The following GAD2 variants were observed in gnomAD, a reference collection of about 807,000 sequenced individuals.
GAD2 encodes 65 kDa glutamic acid decarboxylase.
A neutral mutation model predicts 80.1 loss-of-function variants in GAD2; 22 were observed. The observed-to-expected ratio is 0.27, with a 90% CI of 0.20 to 0.39. GAD2 has a LOEUF of 0.39. GAD2 is among the 10% of genes least tolerant of loss of function. The pLI, the probability that GAD2 is intolerant of heterozygous loss-of-function variation, is 1.00. For missense variants in GAD2, 624 were observed against 738.4 expected (o/e 0.85, Z 1.80); for synonymous variants, 274 against 256.9 (o/e 1.07, Z -0.64).
At chr10:26,291,593 T>C (rs1298447325) in intron 13 of GAD2, among the ~76,000 whole-genome samples, 1 of 152,198 alleles carries the variant, frequency 6.6e-6, no homozygotes, top group Non-Finnish European at 1.5e-5. Flanking sequence ...TTACAATTGC[T>C]TTCTCTAGGT....
chr10:26,224,694 T>C (rs375276130), intron 6 of GAD2, 43 bp downstream of exon 6: 2 of 1,363,878 alleles, frequency 1.5e-6, no homozygotes, highest in Non-Finnish European at 1.0e-6. Flanking sequence ...TCTTCTAATA[T>C]GCAATGCCTT....
chr10:26,267,935 G>C (rs1429110567), intron 8 of GAD2, among the ~76,000 whole-genome samples: 2 of 152,206 alleles, frequency 1.3e-5, no homozygotes, highest in African/African-American at 2.4e-5. Flanking sequence ...ATGAAGTCCA[G>C]TGCTTGCTGT....
intron 8 of GAD2, among the ~76,000 whole-genome samples, chr10:26,260,606 T>C (rs759360060): frequency 1.3e-5 from 2 of 152,110 alleles, no homozygotes; most frequent in Admixed American, 6.6e-5. Flanking sequence ...CCAGCGTGGG[T>C]GCCAGAGCAA....
chr10:26,270,671 C>G lies in GAD2; in HGVS notation c.1007C>G (p.Ala336Gly). ...GTTCCTTTCCTCGTGAGTGCCACAGCTGGAACCACCGTGTACGGAGCATTT... is the reference window on the plus strand; with the variant it reads ...GTTCCTTTCCTCGTGAGTGCCACAGGTGGAACCACCGTGTACGGAGCATTT... ...GFVPFLVSAT[A>G]GTTVYGAFDP... Residue 336 changes from alanine to glycine, a missense_variant, in exon 10 of 16, where the codon GCT (alanine) becomes GGT (glycine). Ala to Gly is a moderately conservative substitution (Grantham distance 60). Transcript: ENST00000376261. The G allele has an allele frequency of 1.2e-6, 2 of 1,614,112 alleles. No individual in the cohort carries two copies. Among genetic ancestry groups the G allele is most frequent in the East Asian group, 2.2e-5 (1 of 44,882 alleles).
Position 26,216,972 on chromosome 10 carries a change from T to C in GAD2, c.76+87T>C. ...CTACGGAGAAGACGAAGGAGGTTTT[T>C]CCACCTGCAACAGGAAACTTCTTCG... On this transcript the variant is annotated intron_variant, in intron 1 of 15. Coordinates refer to ENST00000376261, the MANE Select transcript of GAD2 (RefSeq NM_001134366.2). This position sits in a 1 kb window ranked among gnomAD's most constrained non-coding sequence, Gnocchi z 4.7. 8.4e-7 allele frequency: 1 copy of C among 1,192,978 alleles called. No homozygotes were observed. The highest frequency in any genetic ancestry group is 1.2e-6 in the Non-Finnish European group (1 of 823,652). The allele number at this position is 1,192,978 out of a possible 1,614,324, so 73.9% of individuals were successfully genotyped here.
intron 14 of GAD2, 149 bp from the exon 15 acceptor site, chr10:26,292,752 GT>G: frequency 1.2e-6 from 1 of 856,820 alleles, no homozygotes; most frequent in South Asian, 1.5e-5. Context: ...TCCATATAAC[GT>G]TGTCAAAATC....
chr10:26,280,791 A>G lies in GAD2; in HGVS notation c.1158-218A>G, dbSNP rs984874552. ...TGGTCACTATTTGGGTGCTGGGTAC[A>G]CCAAAAGGCCAGACTTCACCACTAC... On this transcript the variant is annotated intron_variant, in intron 11 of 15. Coordinates refer to ENST00000376261, the MANE Select transcript of GAD2 (RefSeq NM_001134366.2). Among the ~76,000 whole-genome samples the G allele has an allele frequency of 3.9e-5, 6 of 152,296 alleles. No homozygotes were observed. In the East Asian group the frequency reaches 1.2e-3, roughly 29 times the overall value.
chr10:26,234,008 T>C (rs190704774), intron 7 of GAD2, among the ~76,000 whole-genome samples: 1 of 152,210 alleles, frequency 6.6e-6, no homozygotes, highest in Admixed American at 6.5e-5. Context: ...GAGCTCTGCA[T>C]AAATATCAAC....
intron 7 of GAD2, among the ~76,000 whole-genome samples, chr10:26,245,153 CAAAA>C (rs1229625147): frequency 3.8e-5 from 2 of 52,316 alleles, no homozygotes. Flanking sequence ...AACTCTGTCT[CAAAA>C]AAAAAAAAAA....
At chr10:26,274,864 A>G (rs1185660418) in intron 11 of GAD2, among the ~76,000 whole-genome samples, 1 of 152,230 alleles carries the variant, frequency 6.6e-6, no homozygotes, top group Non-Finnish European at 1.5e-5. Flanking sequence ...GGCCCATGTC[A>G]GAAGGGTCAC....
In GAD2 at chr10:26,217,277, G is replaced by A. The variant is rs917048465; in HGVS notation, c.77-333G>A. Among the ~76,000 whole-genome samples the A allele has an allele frequency of 2.6e-5, 4 of 152,154 alleles. No individual in the cohort carries two copies. The highest frequency in any genetic ancestry group is 5.9e-5 in the Non-Finnish European group (4 of 68,024). ...AGAGATTTCTTTATCTAGAAAGACAGTCTGCGAAAAAATGGATAGCTTCAG... is the reference window on the plus strand; with the variant it reads ...AGAGATTTCTTTATCTAGAAAGACAATCTGCGAAAAAATGGATAGCTTCAG... On this transcript the variant is annotated intron_variant, in intron 1 of 15. Transcript: ENST00000376261. This position sits in a 1 kb window ranked among gnomAD's most constrained non-coding sequence, Gnocchi z 4.9.
At chr10:26,292,374 CAG>C in intron 13 of GAD2, 89 bp from the exon 14 acceptor site, 1 of 931,960 alleles carries the variant, frequency 1.1e-6, no homozygotes, top group African/African-American at 1.6e-5. Context: ...GGGGCTAAGA[CAG>C]AGACGGCAGG....
intron 7 of GAD2, among the ~76,000 whole-genome samples, chr10:26,237,499 CTG>C (rs1844689159): frequency 6.6e-6 from 1 of 151,692 alleles, no homozygotes; most frequent in South Asian, 2.1e-4. Flanking sequence ...ACAGATGACA[CTG>C]TCGTTAGAAG....
At chr10:26,277,923 T>TA (rs1384418825) in intron 11 of GAD2, among the ~76,000 whole-genome samples, 10 of 151,818 alleles carry the variant, frequency 6.6e-5, no homozygotes, top group Non-Finnish European at 1.3e-4. Flanking sequence ...CTCTCCAACT[T>TA]ACACAAACTG....
At chr10:26,247,912 A>AAT (rs1260408336) in intron 8 of GAD2, among the ~76,000 whole-genome samples, 1 of 88,978 alleles carries the variant, frequency 1.1e-5, no homozygotes, top group Non-Finnish European at 3.0e-5. Flanking sequence ...AAAAAAAAAA[A>AAT]GGAAAAGAAA....
At chr10:26,265,033 A>C (rs1003415990) in intron 8 of GAD2, among the ~76,000 whole-genome samples, 15 of 151,974 alleles carry the variant, frequency 9.9e-5, no homozygotes, top group African/African-American at 3.6e-4. Context: ...TTCCCTTTGG[A>C]GCTATGGGGA....
intron 8 of GAD2, among the ~76,000 whole-genome samples, chr10:26,258,167 C>T (rs886291759): frequency 3.3e-5 from 5 of 152,206 alleles, no homozygotes; most frequent in African/African-American, 1.2e-4. Context: ...TAATTAGAGA[C>T]ACAAAATAGT....
chr10:26,288,806 TC>T (rs1834179130), intron 13 of GAD2, among the ~76,000 whole-genome samples: 1 of 152,164 alleles, frequency 6.6e-6, no homozygotes, highest in Non-Finnish European at 1.5e-5. Flanking sequence ...TTTCTGCTGC[TC>T]CCTTTCCATC....
chr10:26,227,626 G>A (rs145619341), intron 6 of GAD2, among the ~76,000 whole-genome samples: 1 of 152,334 alleles, frequency 6.6e-6, no homozygotes, highest in Non-Finnish European at 1.5e-5. Flanking sequence ...AGATGCTTTT[G>A]ATTGTCTGGG....
Sources: gnomAD v4.1 joint callset for allele counts (sites outside exome capture counted in the v4.1 genomes callset) on GRCh38, gnomAD v4.1.1 for gene constraint, Gnocchi (gnomAD v3.1) non-coding constraint, MANE v1.5 for transcripts, NCBI Gene and HGNC (gene_info 2026-07-23, HGNC 2026-07-21) for gene names.